Variants in ATAT1 observed in about 807,000 individuals in gnomAD.
ATAT1 encodes the protein alpha-tubulin N-acetyltransferase 1.
Under a neutral mutation model 57.2 loss-of-function variants are expected in ATAT1, and 42 were observed. The ratio of observed to expected loss-of-function variants is 0.73; its 90% CI spans 0.57 to 0.95. The LOEUF is 0.95. ATAT1 is among the 40% of genes least tolerant of loss of function. The pLI, the probability that ATAT1 is intolerant of heterozygous loss-of-function variation, is 0.00. For synonymous variants in ATAT1, 168 were observed against 187.1 expected (o/e 0.90, Z 0.83); for missense variants, 454 against 523.7 (o/e 0.87, Z 1.30).
At chr6:30,643,942 T>C (rs1766098298) in intron 10 of ATAT1, 3 of 1,086,408 alleles carry the variant, frequency 2.8e-6, no homozygotes, top group Non-Finnish European at 3.4e-6. Flanking sequence ...GGGAAACTTT[T>C]TAAGGAATTT....
chr6:30,632,940 CAAAA>C (rs9257002), intron 6 of ATAT1, among the ~76,000 whole-genome samples: 1 of 127,272 alleles, frequency 7.9e-6, no homozygotes, highest in Non-Finnish European at 1.7e-5. Context: ...GACCCCATAT[CAAAA>C]AAAAAAAAAA....
At chr6:30,627,830 A>C in intron 3 of ATAT1, 21 bp from the exon 4 acceptor site, 1 of 1,612,398 alleles carries the variant, frequency 6.2e-7, no homozygotes, top group Non-Finnish European at 8.5e-7. Flanking sequence ...TAGCCTGTTC[A>C]TTATTTTCCC....
At position 30,627,322 on chromosome 6, in the gene ATAT1, T is replaced by G. The variant is rs537329795; in HGVS notation, c.71+48T>G. On this transcript the variant is annotated intron_variant, in intron 1 of 12. Transcript: ENST00000330083. ...AGAAGGGTGGGGTGGGAAATCAGAT[T>G]GGAAGACTCCCAGGCAAAGGCAGGG... 5.6e-6 allele frequency: 9 copies of G among 1,612,690 alleles called. No individual in the cohort carries two copies. The East Asian group carries it at 1.8e-4, about 32-fold the overall frequency.
In ATAT1 at chr6:30,627,005, A is replaced by G; in HGVS notation, c.-199A>G. On this transcript the variant is annotated 5_prime_UTR_variant, in exon 1 of 13. Coordinates refer to ENST00000330083, the MANE Select transcript of ATAT1 (RefSeq NM_001031722.4). Reference sequence around the variant, plus strand: ...CAACGCCGGCCCGGTGACAGCTCAAACCCACCCTCTGGCCCTTTTCTCCCG... The same window carrying G: ...CAACGCCGGCCCGGTGACAGCTCAAGCCCACCCTCTGGCCCTTTTCTCCCG... The G allele has an allele frequency of 6.3e-7, 1 of 1,578,826 alleles. No individual in the cohort carries two copies. Among genetic ancestry groups the G allele is most frequent in the Non-Finnish European group, 8.6e-7 (1 of 1,161,520 alleles).
At chr6:30,632,510 T>G (rs1005947575) in intron 6 of ATAT1, among the ~76,000 whole-genome samples, 4 of 151,930 alleles carry the variant, frequency 2.6e-5, no homozygotes, top group Non-Finnish European at 5.9e-5. Context: ...AGGCAGAGGT[T>G]GCAGTGAGCT....
intron 8 of ATAT1, 103 bp from the exon 9 acceptor site, chr6:30,642,073 G>A: frequency 6.3e-7 from 1 of 1,585,766 alleles, no homozygotes; most frequent in Non-Finnish European, 8.6e-7. Context: ...AGGAACTGTG[G>A]TGTCAGGGAG....
At position 30,638,623 on chromosome 6, in the gene ATAT1, G is replaced by A. The variant is rs13214922; in HGVS notation, c.502-1754G>A. 3.1e-3 allele frequency among the ~76,000 whole-genome samples: 464 copies of A among 151,750 alleles called. 6 individuals carry two copies. The highest frequency in any genetic ancestry group is 2.6e-3 in the Non-Finnish European group (179 of 67,910). ...GAGTCTCTCTCTGTCGCCCAGGCTG[G>A]AGTGCAGTGTTGCCATCTCGGCTCA... On this transcript the variant is annotated intron_variant, in intron 6 of 12. Transcript: ENST00000330083.
Position 30,640,427 on chromosome 6 carries a change from G to A in ATAT1, c.547+5G>A. On this transcript the variant is annotated splice_donor_5th_base_variant and intron_variant, in intron 7 of 12. Coordinates refer to ENST00000330083, the MANE Select transcript of ATAT1 (RefSeq NM_001031722.4). ...GCTTCTTTGCCCATCAACATCGTAA[G>A]TTTTTGCATTTTGTTGGTCACGTAG... is the stretch of plus-strand genomic sequence containing the variant. 6.2e-7 allele frequency: 1 copy of A among 1,612,834 alleles called. No homozygotes were observed. The highest frequency in any genetic ancestry group is 8.5e-7 in the Non-Finnish European group (1 of 1,179,970).
At position 30,643,030 on chromosome 6, in the gene ATAT1, C is replaced by T; in HGVS notation, c.932+19C>T. ...GCACCAGGTAATAGGAGTTGAAGGG[C>T]TAAGGAGCCTCACAGCTATAAAAGA... is the stretch of plus-strand genomic sequence containing the variant. On this transcript the variant is annotated intron_variant, in intron 10 of 12. Coordinates refer to ENST00000330083, the MANE Select transcript of ATAT1 (RefSeq NM_001031722.4). The T allele has an allele frequency of 6.3e-7, 1 of 1,593,368 alleles. No homozygotes were observed.
intron 10 of ATAT1, chr6:30,643,728 A>C (rs1306548824): frequency 1.4e-6 from 2 of 1,431,224 alleles, no homozygotes. Flanking sequence ...TCAGGGTCTC[A>C]AACTGCCTAA....
chr6:30,643,999 T>G, intron 10 of ATAT1: 1 of 1,007,228 alleles, frequency 9.9e-7, no homozygotes, highest in South Asian at 4.5e-5. Flanking sequence ...TACTGGTGGC[T>G]CTAATACTGC....
intron 9 of ATAT1, 140 bp from the exon 10 acceptor site, chr6:30,642,628 G>A (rs1462262016): frequency 8.8e-5 from 59 of 666,952 alleles, no homozygotes; most frequent in Non-Finnish European, 8.6e-5. Context: ...GGGTGACAGA[G>A]TGAGACTCCG....
intron 8 of ATAT1, chr6:30,640,808 G>C: frequency 1.6e-6 from 1 of 613,510 alleles, no homozygotes; most frequent in Non-Finnish European, 2.8e-6. Flanking sequence ...CAAGCTCATT[G>C]GGAGCCTGTT....
At chr6:30,634,087 C>T (rs1763482740) in intron 6 of ATAT1, 2 of 157,508 alleles carry the variant, frequency 1.3e-5, no homozygotes. Context: ...AGTGCCACTG[C>T]AGATGACAGG....
intron 10 of ATAT1, 162 bp downstream of exon 10, chr6:30,643,173 G>GA (rs1408117629): frequency 2.9e-4 from 430 of 1,466,058 alleles, no homozygotes; most frequent in Middle Eastern, 5.1e-4. Context: ...AGTGATCTGG[G>GA]AAAAAAATGC....
Position 30,643,019 on chromosome 6 carries a change from G to C in ATAT1, c.932+8G>C, listed in dbSNP as rs1304898032. ...TCAACGTCGTCGCACCAGGTAATAG[G>C]AGTTGAAGGGCTAAGGAGCCTCACA... On this transcript the variant is annotated splice_region_variant and intron_variant, in intron 10 of 12. Transcript: ENST00000330083. 3 of 1,605,314 alleles carry C rather than the reference G, an allele frequency of 1.9e-6. No individual in the cohort carries two copies. The Admixed American group carries it at 5.1e-5, about 27-fold the overall frequency.
chr6:30,642,384 TG>T, intron 9 of ATAT1, 137 bp downstream of exon 9: 1 of 1,235,688 alleles, frequency 8.1e-7, no homozygotes, highest in Non-Finnish European at 1.1e-6. Context: ...GGCTCATGCC[TG>T]TAATCCCAGC....
intron 6 of ATAT1, among the ~76,000 whole-genome samples, chr6:30,631,259 G>C (rs867400597): frequency 2.6e-5 from 4 of 151,960 alleles, no homozygotes; most frequent in Non-Finnish European, 5.9e-5. Context: ...CGAGGCGCGC[G>C]GATCACGAGG....
rs1026722686 is a variant in ATAT1, at chr6:30,642,825, C to T, written c.746C>T (p.Thr249Ile). Residue 249 changes from threonine to isoleucine, a missense_variant, in exon 10 of 13, where the codon ACA becomes ATA. Physicochemically the swap from Thr to Ile is moderately conservative, Grantham distance 89. This residue lies in a region of ATAT1 where 216 missense variants were observed against 222.2 expected (regional missense o/e 0.97). Coordinates refer to ENST00000330083, the MANE Select transcript of ATAT1 (RefSeq NM_001031722.4). ...CTAAACAGGGCCCCTCGCCGCGCCACACCTCCAGCCCACCCACCCCCCCGC... is the reference window on the plus strand; with the variant it reads ...CTAAACAGGGCCCCTCGCCGCGCCATACCTCCAGCCCACCCACCCCCCCGC... The T allele has an allele frequency of 6.8e-6, 11 of 1,606,816 alleles. No individual in the cohort carries two copies. Among genetic ancestry groups the T allele is most frequent in the Admixed American group, 1.7e-5 (1 of 59,668 alleles).
Sources: gnomAD v4.1 joint callset for allele counts (sites outside exome capture counted in the v4.1 genomes callset) on GRCh38, gnomAD v4.1.1 for gene constraint, gnomAD v4.1.1 regional missense constraint, MANE v1.5 for transcripts, NCBI Gene and HGNC (gene_info 2026-07-23, HGNC 2026-07-21) for gene names.